The following CAPZA2 variants were observed in gnomAD, a reference collection of about 807,000 sequenced individuals.
CAPZA2 encodes the protein capping actin protein of muscle Z-line subunit alpha 2, also known as F-actin-capping protein subunit alpha-2.
In CAPZA2, 13 loss-of-function variants were observed where a neutral mutation model predicts 44.0. That is an observed-to-expected ratio of 0.30 (90% confidence interval 0.19 to 0.47). The LOEUF is 0.47. Among genes scored for constraint, CAPZA2 ranks in the 20% least tolerant of loss-of-function variants. CAPZA2 has a pLI of 1.00. For synonymous variants in CAPZA2, 94 were observed against 108.2 expected (o/e 0.87, Z 0.81); for missense variants, 244 against 338.6 (o/e 0.72, Z 2.19).
intron 5 of CAPZA2, among the ~76,000 whole-genome samples, chr7:116,905,943 A>G (rs1791494530): frequency 6.6e-6 from 1 of 152,200 alleles, no homozygotes; most frequent in Admixed American, 6.5e-5. Flanking sequence ...AAAAAGCTAG[A>G]TTAGCATCTG....
intron 1 of CAPZA2, among the ~76,000 whole-genome samples, chr7:116,876,553 T>G (rs893286898): frequency 1.3e-5 from 2 of 152,120 alleles, no homozygotes; most frequent in African/African-American, 4.8e-5. Context: ...TATTTGCTTT[T>G]AGACCTTATT....
intron 6 of CAPZA2, among the ~76,000 whole-genome samples, chr7:116,909,592 A>C (rs753491744): frequency 3.0e-4 from 46 of 152,190 alleles, no homozygotes; most frequent in Non-Finnish European, 8.8e-5. Context: ...AAAAAAAAAA[A>C]AACTCATGTT....
intron 4 of CAPZA2, among the ~76,000 whole-genome samples, chr7:116,899,914 TTAAG>T (rs1398839654): frequency 1.3e-5 from 2 of 151,570 alleles, no homozygotes; most frequent in Non-Finnish European, 3.0e-5. Flanking sequence ...TTTTAAAACT[TTAAG>T]TAAGATACTA....
At position 116,899,923 on chromosome 7, in the gene CAPZA2, A is replaced by G. The variant is rs141723993; in HGVS notation, c.219+1088A>G. On this transcript the variant is annotated intron_variant, in intron 4 of 9. Coordinates refer to ENST00000361183, the MANE Select transcript of CAPZA2 (RefSeq NM_006136.3). ...TATAGATTTTAAAACTTTAAGTAAG[A>G]TACTAACAAATAGGATTTAGAGATA... Among the ~76,000 whole-genome samples, 7 of 151,858 alleles carry G rather than the reference A, an allele frequency of 4.6e-5. No individual in the cohort carries two copies. The East Asian group carries it at 1.4e-3, about 29-fold the overall frequency.
intron 3 of CAPZA2, among the ~76,000 whole-genome samples, chr7:116,893,563 T>C (rs548846115): frequency 2.0e-5 from 3 of 152,364 alleles, no homozygotes; most frequent in African/African-American, 7.2e-5. Context: ...GGTACAACTA[T>C]GACATGAAAT....
chr7:116,913,769 ATTTTTTTTT>A (rs10717939), intron 8 of CAPZA2, among the ~76,000 whole-genome samples: 2 of 87,712 alleles, frequency 2.3e-5, no homozygotes, highest in African/African-American at 8.9e-5. Flanking sequence ...CACCCAGCTA[ATTTTTTTTT>A]TTTTTTTTTT....
intron 2 of CAPZA2, among the ~76,000 whole-genome samples, chr7:116,889,637 CA>C (rs1156269645): frequency 2.6e-5 from 4 of 151,542 alleles, no homozygotes; most frequent in Non-Finnish European, 5.9e-5. Context: ...GAAAGTGAGG[CA>C]AAAGTTGTAT....
At chr7:116,872,141 A>T in intron 1 of CAPZA2, among the ~76,000 whole-genome samples, 1 of 152,196 alleles carries the variant, frequency 6.6e-6, no homozygotes, top group East Asian at 1.9e-4. Flanking sequence ...TCTTGAAAAA[A>T]ATTGGTAGTG....
At chr7:116,893,617 CT>C (rs774524477) in intron 3 of CAPZA2, among the ~76,000 whole-genome samples, 1 of 152,200 alleles carries the variant, frequency 6.6e-6, no homozygotes, top group Non-Finnish European at 1.5e-5. Flanking sequence ...TCAGTTAATA[CT>C]GTATTTTGGC....
At chr7:116,869,304 G>T (rs895021254) in intron 1 of CAPZA2, among the ~76,000 whole-genome samples, 1 of 152,190 alleles carries the variant, frequency 6.6e-6, no homozygotes, top group African/African-American at 2.4e-5. Context: ...ATTTTATTTT[G>T]AGGATTAAGT....
chr7:116,914,386 G>A (rs2115983321), intron 8 of CAPZA2, among the ~76,000 whole-genome samples: 1 of 151,274 alleles, frequency 6.6e-6, no homozygotes, highest in South Asian at 2.1e-4. Flanking sequence ...AATGTGTTAA[G>A]ACAGATGCTA....
intron 1 of CAPZA2, among the ~76,000 whole-genome samples, chr7:116,881,668 G>A (rs1796704615): frequency 6.7e-6 from 1 of 150,102 alleles, no homozygotes; most frequent in Admixed American, 6.7e-5. Flanking sequence ...GAACCCGGGA[G>A]GCAGAGCTTG....
At chr7:116,911,726 G>A (rs1401898337) in intron 7 of CAPZA2, among the ~76,000 whole-genome samples, 4 of 152,160 alleles carry the variant, frequency 2.6e-5, no homozygotes, top group African/African-American at 7.2e-5. Flanking sequence ...ATGGTTGGTG[G>A]AAATACACAA....
chr7:116,917,409 C>T (rs1791694816), intron 9 of CAPZA2, among the ~76,000 whole-genome samples: 1 of 152,170 alleles, frequency 6.6e-6, no homozygotes, highest in African/African-American at 2.4e-5. Flanking sequence ...CGCCCGCCAC[C>T]ATGCCCGACT....
At chr7:116,876,468 C>T (rs1345700375) in intron 1 of CAPZA2, 1 of 152,186 alleles carries the variant, frequency 6.6e-6, no homozygotes, top group Non-Finnish European at 1.5e-5. Context: ...GATAATCACA[C>T]TTGTAAATTT....
At chr7:116,910,115 T>C in intron 6 of CAPZA2, 118 bp from the exon 7 acceptor site, 1 of 699,048 alleles carries the variant, frequency 1.4e-6, no homozygotes, top group South Asian at 1.5e-5. Flanking sequence ...AAAAATTTAA[T>C]GTCCAGTATT....
rs1372780879 is a variant in CAPZA2, at chr7:116,921,910, G to C, written c.*4043G>C. On this transcript the variant is annotated 3_prime_UTR_variant, in exon 10 of 10. Transcript: ENST00000361183. The stretch of plus-strand genomic sequence containing the variant: ...AAGTAAGAGTTCTGGCATGAGTGGT[G>C]CTTTTCCAGAGTACACTTGGATATA... 2 of 152,104 alleles carry C rather than the reference G, an allele frequency of 1.3e-5. No homozygotes were observed. The highest frequency in any genetic ancestry group is 4.8e-5 in the African/African-American group (2 of 41,402). 9.4% of individuals were successfully genotyped at this position (152,104 alleles called of 1,614,324 possible).
intron 3 of CAPZA2, among the ~76,000 whole-genome samples, chr7:116,895,423 T>C (rs189516452): frequency 6.6e-6 from 1 of 152,304 alleles, no homozygotes; most frequent in East Asian, 1.9e-4. Flanking sequence ...AATTTGAAGA[T>C]GAGCTTCATT....
intron 4 of CAPZA2, among the ~76,000 whole-genome samples, chr7:116,902,356 TAAAG>T (rs1459079624): frequency 6.6e-6 from 1 of 152,134 alleles, no homozygotes; most frequent in African/African-American, 2.4e-5. Context: ...AAGCCTATCT[TAAAG>T]AACTCTTATA....
Sources: gnomAD v4.1 joint callset for allele counts (sites outside exome capture counted in the v4.1 genomes callset) on GRCh38, gnomAD v4.1.1 for gene constraint, MANE v1.5 for transcripts, NCBI Gene and HGNC (gene_info 2026-07-23, HGNC 2026-07-21) for gene names.